The following LAMC1 variants were observed in gnomAD, a reference collection of about 807,000 sequenced individuals.
LAMC1 encodes laminin subunit gamma-1.
Under a neutral mutation model 173.6 loss-of-function variants are expected in LAMC1, and 38 were observed. The observed-to-expected ratio is 0.22, with a 90% CI of 0.17 to 0.29. LAMC1 has a LOEUF of 0.29. Among genes scored for constraint, LAMC1 ranks in the 10% least tolerant of loss-of-function variants. The pLI is 1.00. For synonymous variants in LAMC1, 746 were observed against 749.1 expected (o/e 1.00, Z 0.07); for missense variants, 1,824 against 2,051.8 (o/e 0.89, Z 2.14).
chr1:183,132,292 AAAT>A lies in LAMC1; in HGVS notation c.3567-81_3567-79del, dbSNP rs57729826. 0.63 allele frequency: 421,819 copies of A among 674,468 alleles called. 138,131 individuals are homozygous for A. The highest frequency in any genetic ancestry group is 0.81 in the South Asian group (29,671 of 36,632). 41.8% of individuals were successfully genotyped at this position (674,468 alleles called of 1,614,324 possible). A position where few individuals can be genotyped will look rare whatever the true frequency, so the allele number is the denominator to read the frequency against. The stretch of plus-strand genomic sequence containing the variant: ...GGGTGACAGAGCGAGACTCCATTTC[AAAT>A]AATAATAATAATAATAATAATAATA... On this transcript the variant is annotated intron_variant, in intron 20 of 27. Coordinates refer to ENST00000258341, the MANE Select transcript of LAMC1 (RefSeq NM_002293.4).
intron 1 of LAMC1, among the ~76,000 whole-genome samples, chr1:183,071,080 T>G (rs1263965134): frequency 8.6e-5 from 13 of 150,708 alleles, no homozygotes; most frequent in Admixed American, 7.9e-4. Context: ...AAGCTGGGTT[T>G]TTTTTGTTTT....
chr1:183,095,330 T>C (rs1449397591), intron 1 of LAMC1, among the ~76,000 whole-genome samples: 1 of 152,130 alleles, frequency 6.6e-6, no homozygotes, highest in East Asian at 1.9e-4. Flanking sequence ...AATTAGATTT[T>C]CTCTTTTTAA....
chr1:183,034,522 C>T (rs1454640296), intron 1 of LAMC1, among the ~76,000 whole-genome samples: 5 of 152,066 alleles, frequency 3.3e-5, no homozygotes, highest in South Asian at 2.1e-4. Context: ...CTGCCCGCCT[C>T]GGCCTCCCAA....
intron 1 of LAMC1, among the ~76,000 whole-genome samples, chr1:183,048,153 T>G (rs956115883): frequency 9.9e-5 from 15 of 152,220 alleles, no homozygotes; most frequent in African/African-American, 3.6e-4. Flanking sequence ...GCTGAAATTT[T>G]GAAATTTGCT....
intron 1 of LAMC1, among the ~76,000 whole-genome samples, chr1:183,074,165 T>A (rs1294195004): frequency 6.6e-6 from 1 of 152,254 alleles, no homozygotes; most frequent in Non-Finnish European, 1.5e-5. Flanking sequence ...ACATTAGTCA[T>A]ATGTATCTTT....
Position 183,023,737 on chromosome 1 carries a change from C to T in LAMC1, c.21C>T (p.Ala7=), listed in dbSNP as rs1397253661. 1.7e-6 allele frequency: 2 copies of T among 1,194,126 alleles called. No homozygotes were observed. Among genetic ancestry groups the T allele is most frequent in the Non-Finnish European group, 2.1e-6 (2 of 955,918 alleles). The allele number at this position is 1,194,126 out of a possible 1,614,324, so 74.0% of individuals were successfully genotyped here. ...GCGGGATGAGAGGGAGCCATCGGGC[C>T]GCGCCGGCCCTGCGGCCCCGGGGGC... The part of the protein sequence containing the change: MRGSHR[A]APALRPRGRL... Residue 7 remains alanine (A), a synonymous_variant, in exon 1 of 28, where the codon GCC becomes GCT. Transcript: ENST00000258341.
At chr1:183,100,681 T>G (rs545753084) in intron 1 of LAMC1, among the ~76,000 whole-genome samples, 2 of 152,340 alleles carry the variant, frequency 1.3e-5, no homozygotes, top group Non-Finnish European at 2.9e-5. Context: ...CATGATGTAC[T>G]TCCCCTGTCA....
At chr1:183,077,670 C>T (rs560633469) in intron 1 of LAMC1, among the ~76,000 whole-genome samples, 1 of 150,898 alleles carries the variant, frequency 6.6e-6, no homozygotes, top group South Asian at 2.1e-4. Flanking sequence ...TTTTCCATTC[C>T]TGAGTTACTT....
At chr1:183,129,007 A>T (rs1656704877) in intron 18 of LAMC1, among the ~76,000 whole-genome samples, 1 of 152,060 alleles carries the variant, frequency 6.6e-6, no homozygotes, top group Admixed American at 6.6e-5. Context: ...GCATTTTATG[A>T]ATCTGTTCTA....
In LAMC1 at chr1:183,028,427, A is replaced by C. The variant is rs542369854; in HGVS notation, c.418+4293A>C. The stretch of plus-strand genomic sequence containing the variant: ...TACTTTGTTAGGAATTTACACACTC[A>C]TAATGGCATTACAATAATAAATCAA... On this transcript the variant is annotated intron_variant, in intron 1 of 27. Coordinates refer to ENST00000258341, the MANE Select transcript of LAMC1 (RefSeq NM_002293.4). 3.3e-5 allele frequency among the ~76,000 whole-genome samples: 5 copies of C among 152,356 alleles called. No homozygotes were observed. The South Asian group carries it at 1.0e-3, about 32-fold the overall frequency.
chr1:183,123,733 G>T (rs1264644550), intron 13 of LAMC1, among the ~76,000 whole-genome samples: 1 of 152,080 alleles, frequency 6.6e-6, no homozygotes, highest in Non-Finnish European at 1.5e-5. Flanking sequence ...CTGTGTATTG[G>T]TCTTCACCAA....
intron 1 of LAMC1, among the ~76,000 whole-genome samples, chr1:183,033,517 C>T (rs749008932): frequency 6.6e-6 from 1 of 152,140 alleles, no homozygotes; most frequent in Non-Finnish European, 1.5e-5. Context: ...ATATCTGGTG[C>T]TTAGGTAACT....
chr1:183,072,732 C>T (rs1197425391), intron 1 of LAMC1, among the ~76,000 whole-genome samples: 3 of 152,178 alleles, frequency 2.0e-5, no homozygotes, highest in East Asian at 1.9e-4. Context: ...AGCCACTCCC[C>T]GTTGCTTGCC....
At chr1:183,031,164 T>C (rs1017622885) in intron 1 of LAMC1, among the ~76,000 whole-genome samples, 6 of 152,224 alleles carry the variant, frequency 3.9e-5, no homozygotes, top group Non-Finnish European at 7.3e-5. Context: ...AAGATAGGCA[T>C]ACTGTTTCTT....
chr1:183,087,949 G>A (rs1303376411), intron 1 of LAMC1, among the ~76,000 whole-genome samples: 1 of 151,900 alleles, frequency 6.6e-6, no homozygotes, highest in African/African-American at 2.4e-5. Flanking sequence ...AAGTAGCTGG[G>A]ATTACAGGCA....
chr1:183,040,297 T>A (rs1571403371), intron 1 of LAMC1, among the ~76,000 whole-genome samples: 1 of 152,214 alleles, frequency 6.6e-6, no homozygotes, highest in Non-Finnish European at 1.5e-5. Flanking sequence ...TGGTGAATAA[T>A]GGACACATGG....
chr1:183,080,657 T>C (rs10911228), intron 1 of LAMC1, among the ~76,000 whole-genome samples: 50,441 of 151,976 alleles, frequency 0.33, 9,570 homozygotes, highest in East Asian at 0.48. Context: ...GTTTTTTTTT[T>C]CCATACTCAG....
In LAMC1 at chr1:183,126,002, T is replaced by C. The variant is rs1656607224; in HGVS notation, c.2802-118T>C. The C allele has an allele frequency of 5.2e-6, 5 of 967,638 alleles. No individual in the cohort carries two copies. The South Asian group carries it at 8.5e-5, about 16-fold the overall frequency. The allele number at this position is 967,638 out of a possible 1,614,324, so 59.9% of individuals were successfully genotyped here. On this transcript the variant is annotated intron_variant, in intron 15 of 27. Coordinates refer to ENST00000258341, the MANE Select transcript of LAMC1 (RefSeq NM_002293.4). ...CTTAACATTCCATCTTAGTAACCCTTACCATTCAGTTTTCTGATACAAGTT... is the reference window on the plus strand; with the variant it reads ...CTTAACATTCCATCTTAGTAACCCTCACCATTCAGTTTTCTGATACAAGTT...
intron 22 of LAMC1, 42 bp downstream of exon 22, chr1:183,133,592 C>T: frequency 1.3e-6 from 2 of 1,556,722 alleles, no homozygotes; most frequent in Non-Finnish European, 1.7e-6. Context: ...CCCGTCTCTC[C>T]CCCAAGTCTA....
Sources: gnomAD v4.1 joint callset for allele counts (sites outside exome capture counted in the v4.1 genomes callset) on GRCh38, gnomAD v4.1.1 for gene constraint, MANE v1.5 for transcripts, NCBI Gene and HGNC (gene_info 2026-07-23, HGNC 2026-07-21) for gene names.